The following FLRT2 variants were observed in gnomAD, a reference collection of about 807,000 sequenced individuals.
FLRT2 encodes fibronectin leucine rich transmembrane protein 2.
In FLRT2, 15 loss-of-function variants were observed where a neutral mutation model predicts 40.0. The observed-to-expected ratio is 0.38, with a 90% CI of 0.25 to 0.58. The LOEUF (loss-of-function observed/expected upper bound fraction) is 0.58. Among genes scored for constraint, FLRT2 ranks in the 20% least tolerant of loss-of-function variants. The pLI is 0.71. For synonymous variants in FLRT2, 380 were observed against 336.8 expected (o/e 1.13, Z -1.41); for missense variants, 726 against 840.0 (o/e 0.86, Z 1.68).
At chr14:85,557,826 A>AT (rs58857860) in intron 1 of FLRT2, among the ~76,000 whole-genome samples, 125 of 150,784 alleles carry the variant, frequency 8.3e-4, no homozygotes, top group African/African-American at 1.5e-3. Flanking sequence ...CAATAAATAA[A>AT]TAAATTAATT....
intron 1 of FLRT2, among the ~76,000 whole-genome samples, chr14:85,616,682 T>C (rs1460078612): frequency 6.6e-6 from 1 of 152,172 alleles, no homozygotes; most frequent in Non-Finnish European, 1.5e-5. Flanking sequence ...TGATACCTCA[T>C]GGGCTAGGGT....
Position 85,621,286 on chromosome 14 carries a change from C to G in FLRT2, c.-229C>G. On this transcript the variant is annotated 5_prime_UTR_variant, in exon 2 of 2. Transcript: ENST00000330753. ...CACCTGTTGCCAGTGTGGAAAAATT[C>G]TCCCTGTTGAATTTTTTGCACATGG... 1.9e-6 allele frequency: 1 copy of G among 530,458 alleles called. No individual in the cohort carries two copies. The highest frequency in any genetic ancestry group is 3.3e-6 in the Non-Finnish European group (1 of 304,544). The allele number at this position is 530,458 out of a possible 1,614,324, so 32.9% of individuals were successfully genotyped here. A position where few individuals can be genotyped will look rare whatever the true frequency, so the allele number is the denominator to read the frequency against.
At chr14:85,608,615 A>T (rs1361313339) in intron 1 of FLRT2, among the ~76,000 whole-genome samples, 1 of 152,138 alleles carries the variant, frequency 6.6e-6, no homozygotes, top group African/African-American at 2.4e-5. Flanking sequence ...CTGTTGAATT[A>T]GTAACTCTAG....
rs140724546 is a variant in FLRT2 at position 85,621,970 on chromosome 14, C to T, written c.456C>T (p.Asp152=). 4.4e-4 allele frequency: 706 copies of T among 1,598,998 alleles called. 3 individuals are homozygous for T. The East Asian group carries it at 6.2e-3, about 14-fold the overall frequency. Reference sequence around the variant, plus strand: ...CCATATCCACAGTGGGGGTGGAAGACGGGGCCTTCCGGGAGGCTATTAGCC... The same window carrying T: ...CCATATCCACAGTGGGGGTGGAAGATGGGGCCTTCCGGGAGGCTATTAGCC... The part of the protein sequence containing the change: ...DNSISTVGVE[D]GAFREAISLK... Residue 152 remains aspartate (D), a synonymous_variant, in exon 2 of 2, where the codon GAC becomes GAT. Coordinates refer to ENST00000330753, the MANE Select transcript of FLRT2 (RefSeq NM_013231.6).
In FLRT2 at chr14:85,623,004, A is replaced by T. The variant is rs1409976899; in HGVS notation, c.1490A>T (p.Asp497Val). 1 of 1,614,114 alleles carries T rather than the reference A, an allele frequency of 6.2e-7. No individual in the cohort carries two copies. Among genetic ancestry groups the T allele is most frequent in the Admixed American group, 1.7e-5 (1 of 60,020 alleles). ...STYRICLVPL[D>V]AFNYRAVEDT... Reference sequence around the variant, plus strand: ...TATCGGATTTGTTTAGTGCCACTGGATGCTTTTAACTACCGCGCGGTAGAA... The same window carrying T: ...TATCGGATTTGTTTAGTGCCACTGGTTGCTTTTAACTACCGCGCGGTAGAA... Residue 497 changes from aspartate (D) to valine (V), a missense_variant, in exon 2 of 2, where the codon GAT (aspartate) becomes GTT (valine). Asp to Val is a radical substitution (Grantham distance 152). Coordinates refer to ENST00000330753, the MANE Select transcript of FLRT2 (RefSeq NM_013231.6).
chr14:85,552,015 G>A (rs1437730644), intron 1 of FLRT2, among the ~76,000 whole-genome samples: 2 of 152,108 alleles, frequency 1.3e-5, no homozygotes, highest in East Asian at 3.9e-4. Context: ...CTCTTGCCAT[G>A]AATTGGACTG....
At chr14:85,541,899 C>T (rs1889004199) in intron 1 of FLRT2, among the ~76,000 whole-genome samples, 1 of 152,170 alleles carries the variant, frequency 6.6e-6, no homozygotes, top group Non-Finnish European at 1.5e-5. Flanking sequence ...TAGACTATGA[C>T]ACTGAGCTCA....
At chr14:85,618,381 T>C (rs1166576019) in intron 1 of FLRT2, among the ~76,000 whole-genome samples, 10 of 152,234 alleles carry the variant, frequency 6.6e-5, no homozygotes, top group Non-Finnish European at 2.9e-5. Context: ...TTAAAAACAT[T>C]ACATTTTATT....
chr14:85,611,907 T>TGC (rs1223733575), intron 1 of FLRT2, among the ~76,000 whole-genome samples: 10 of 148,580 alleles, frequency 6.7e-5, no homozygotes, highest in Non-Finnish European at 1.2e-4. Flanking sequence ...AGAGCGCGCG[T>TGC]GCGCGAAAGC....
rs185606545 is a variant in FLRT2 at position 85,546,288 on chromosome 14, T to G, written c.-377+15754T>G. Among the ~76,000 whole-genome samples the G allele has an allele frequency of 2.5e-3, 376 of 152,334 alleles. 8 individuals are homozygous for G. The highest frequency in any genetic ancestry group is 2.9e-3 in the East Asian group (15 of 5,182). On this transcript the variant is annotated intron_variant, in intron 1 of 1. Coordinates refer to ENST00000330753, the MANE Select transcript of FLRT2 (RefSeq NM_013231.6). ...AATATTATTAATACTGTCGAAATTA[T>G]GTGATCCATTCCTTAATTCCTTCAC...
In FLRT2 at chr14:85,530,301, C is replaced by T. The variant is rs1888192005; in HGVS notation, c.-610C>T. 1 of 152,684 alleles carries T rather than the reference C, an allele frequency of 6.5e-6. No homozygotes were observed. The highest frequency in any genetic ancestry group is 6.5e-5 in the Admixed American group (1 of 15,286). 9.5% of individuals were successfully genotyped at this position (152,684 alleles called of 1,614,324 possible). ...CGAGGTGCGCCTCTGGTCCTCCGTCCCTGGTGCCCAGCAGCGGCGAGGCGG... is the reference window on the plus strand; with the variant it reads ...CGAGGTGCGCCTCTGGTCCTCCGTCTCTGGTGCCCAGCAGCGGCGAGGCGG... On this transcript the variant is annotated 5_prime_UTR_variant, in exon 1 of 2. Coordinates refer to ENST00000330753, the MANE Select transcript of FLRT2 (RefSeq NM_013231.6).
In FLRT2 at chr14:85,643,354, T is replaced by TCTTTCTTCCTTCCTTC. The variant is rs1555373579; in HGVS notation, c.*19860_*19861insTCTTCCTTCCTTCCTT. 1.0e-3 allele frequency: 48 copies of TCTTTCTTCCTTCCTTC among 46,072 alleles called. No homozygotes were observed. Among genetic ancestry groups the TCTTTCTTCCTTCCTTC allele is most frequent in the African/African-American group, 2.9e-3 (38 of 13,274 alleles). The allele number at this position is 46,072 out of a possible 1,614,324, so 2.9% of individuals were successfully genotyped here. On this transcript the variant is annotated 3_prime_UTR_variant, in exon 2 of 2. Coordinates refer to ENST00000330753, the MANE Select transcript of FLRT2 (RefSeq NM_013231.6). ...TTCTTTCTTTCTTTCTTTCTTTCTT[T>TCTTTCTTCCTTCCTTC]CTTCCTTCCTTCCTTCCTTCCTTTC... is the stretch of plus-strand genomic sequence containing the variant.
intron 1 of FLRT2, among the ~76,000 whole-genome samples, chr14:85,594,019 G>T (rs1297423011): frequency 6.6e-6 from 1 of 151,596 alleles, no homozygotes; most frequent in East Asian, 1.9e-4. Context: ...TGCAGTCTAG[G>T]TGACAGAGCA....
chr14:85,576,079 G>T (rs1891116142), intron 1 of FLRT2, among the ~76,000 whole-genome samples: 1 of 152,120 alleles, frequency 6.6e-6, no homozygotes, highest in Non-Finnish European at 1.5e-5. Context: ...TTTATATGCT[G>T]TGTTTTCTCT....
rs1894175516 is a variant in FLRT2, at chr14:85,642,565, AC to A, written c.*19069del. The A allele has an allele frequency of 6.6e-6, 1 of 152,188 alleles. No individual in the cohort carries two copies. The highest frequency in any genetic ancestry group is 2.4e-5 in the African/African-American group (1 of 41,436). 9.4% of individuals were successfully genotyped at this position (152,188 alleles called of 1,614,324 possible). On this transcript the variant is annotated 3_prime_UTR_variant, in exon 2 of 2. Transcript: ENST00000330753. Reference sequence around the variant, plus strand: ...AAAAGGCTAAAATAACAACAAAAAAACGGCAATAGTTTGTTATTTTTTATCA... The same window carrying A: ...AAAAGGCTAAAATAACAACAAAAAAAGGCAATAGTTTGTTATTTTTTATCA...
At chr14:85,590,152 A>T (rs1891817152) in intron 1 of FLRT2, among the ~76,000 whole-genome samples, 1 of 151,480 alleles carries the variant, frequency 6.6e-6, no homozygotes, top group South Asian at 2.1e-4. Context: ...TGCAGCATTC[A>T]TGGTCTCTCC....
chr14:85,543,130 G>A (rs905239262), intron 1 of FLRT2, among the ~76,000 whole-genome samples: 2 of 152,170 alleles, frequency 1.3e-5, no homozygotes, highest in Admixed American at 6.5e-5. Flanking sequence ...TATACTCAGT[G>A]TGCAAATCAT....
intron 1 of FLRT2, among the ~76,000 whole-genome samples, chr14:85,545,063 C>G (rs1166996322): frequency 6.6e-6 from 1 of 152,062 alleles, no homozygotes; most frequent in Non-Finnish European, 1.5e-5. Flanking sequence ...CAGACACTAC[C>G]CCTTAATACT....
At chr14:85,539,041 C>T (rs1306441981) in intron 1 of FLRT2, among the ~76,000 whole-genome samples, 2 of 152,056 alleles carry the variant, frequency 1.3e-5, no homozygotes, top group Non-Finnish European at 2.9e-5. Flanking sequence ...GGTTTGTTTG[C>T]GTGCATAGGG....
Sources: gnomAD v4.1 joint callset for allele counts (sites outside exome capture counted in the v4.1 genomes callset) on GRCh38, gnomAD v4.1.1 for gene constraint, MANE v1.5 for transcripts, NCBI Gene and HGNC (gene_info 2026-07-23, HGNC 2026-07-21) for gene names.